Variants in PIEZO2 observed in about 807,000 individuals in gnomAD.
PIEZO2 encodes piezo type mechanosensitive ion channel component 2, also known as piezo-type mechanosensitive ion channel component 2.
In PIEZO2, 172 loss-of-function variants were observed where a neutral mutation model predicts 337.3. The ratio of observed to expected loss-of-function variants is 0.51; its 90% CI spans 0.45 to 0.58. The LOEUF is 0.58. Ranked by LOEUF, PIEZO2 falls within the 20% of genes least tolerant of loss-of-function variation. The probability of loss-of-function intolerance (pLI) is 0.00; values close to 1 mark genes in which losing one functional copy is unlikely to be tolerated. For missense variants in PIEZO2, 3,028 were observed against 3,391.3 expected, an observed-to-expected ratio of 0.89 and a Z score of 2.66; for synonymous variants, 1,251 against 1,228.5, an observed-to-expected ratio of 1.02 and a Z score of -0.38.
In PIEZO2 at chr18:10,899,411, T is replaced by A. The variant is rs1322434849; in HGVS notation, c.329+11775A>T. ...GGATGGAAAACTCAAACACTTCCTA[T>A]GAAATCCACCTAATAAAAGCTGTCA... On this transcript the variant is annotated intron_variant, in intron 4 of 55. Coordinates refer to ENST00000674853, the MANE Select transcript of PIEZO2 (RefSeq NM_001378183.1). This position sits in a 1 kb window ranked among gnomAD's most constrained non-coding sequence, Gnocchi z 4.6. Among the ~76,000 whole-genome samples, 2 of 152,226 alleles carry A rather than the reference T, an allele frequency of 1.3e-5. No homozygotes were observed. The highest frequency in any genetic ancestry group is 6.5e-5 in the Admixed American group (1 of 15,284).
chr18:10,762,569 G>A lies in PIEZO2; in HGVS notation c.3180C>T (p.Tyr1060=). 2 of 1,537,446 alleles carry A rather than the reference G, an allele frequency of 1.3e-6. No individual in the cohort carries two copies. Among genetic ancestry groups the A allele is most frequent in the Non-Finnish European group, 8.7e-7 (1 of 1,146,916 alleles). ...ACTCTGTAGGATCGATAGGAGCGCT[G>A]TAGAGCAGAGACTTGTTCAACTCAT... ...PFNELNKSLL[Y]SAPIDPTEWV... is the part of the protein sequence containing the mutation. The change falls in exon 23 of 56, where the codon TAC becomes TAT. Residue 1060 remains tyrosine, a synonymous_variant. Transcript: ENST00000674853.
chr18:11,110,602 G>A lies in PIEZO2; in HGVS notation c.64+37923C>T, dbSNP rs960748951. Among the ~76,000 whole-genome samples the A allele has an allele frequency of 6.6e-6, 1 of 152,170 alleles. No individual in the cohort carries two copies. The highest frequency in any genetic ancestry group is 6.5e-5 in the Admixed American group (1 of 15,290). ...GGTTCCTTCAGAGGTGGACGGTGGTGGGCAGGGGAGCAGGTGGAGCCGGTG... is the reference window on the plus strand; with the variant it reads ...GGTTCCTTCAGAGGTGGACGGTGGTAGGCAGGGGAGCAGGTGGAGCCGGTG... On this transcript the variant is annotated intron_variant, in intron 1 of 55. Coordinates refer to ENST00000674853, the MANE Select transcript of PIEZO2 (RefSeq NM_001378183.1). This position sits in a 1 kb window ranked among gnomAD's most constrained non-coding sequence, Gnocchi z 4.2.
At chr18:10,891,404 T>A (rs2042751660) in intron 4 of PIEZO2, among the ~76,000 whole-genome samples, 1 of 152,176 alleles carries the variant, frequency 6.6e-6, no homozygotes, top group South Asian at 2.1e-4. Context: ...AAGGCAGTTG[T>A]GTAGGGAACA....
chr18:11,138,385 T>C (rs1331776196), intron 1 of PIEZO2, among the ~76,000 whole-genome samples: 1 of 152,202 alleles, frequency 6.6e-6, no homozygotes, highest in African/African-American at 2.4e-5. Flanking sequence ...AACCTCTGCC[T>C]CTGGGACTCA....
At chr18:10,938,126 T>C (rs556106007) in intron 3 of PIEZO2, among the ~76,000 whole-genome samples, 16 of 152,314 alleles carry the variant, frequency 1.1e-4, no homozygotes, top group African/African-American at 3.8e-4. Context: ...AAATGGGAAG[T>C]AAGGCATTGT....
Position 10,845,315 on chromosome 18 carries a change from G to A in PIEZO2, c.917+10038C>T, listed in dbSNP as rs183354314. ...TTAAATAATACTAATTTTTTCCAGA[G>A]ACAGGATTTATTTTTTTGTTTCAGT... On this transcript the variant is annotated intron_variant, in intron 7 of 55. Coordinates refer to ENST00000674853, the MANE Select transcript of PIEZO2 (RefSeq NM_001378183.1). 3.3e-5 allele frequency among the ~76,000 whole-genome samples: 5 copies of A among 151,986 alleles called. No homozygotes were observed. The East Asian group carries it at 9.7e-4, about 29-fold the overall frequency.
At position 10,993,569 on chromosome 18, in the gene PIEZO2, C is replaced by T. The variant is rs139784066; in HGVS notation, c.161-13909G>A. Among the ~76,000 whole-genome samples, 287 of 152,240 alleles carry T rather than the reference C, an allele frequency of 1.9e-3. No individual in the cohort carries two copies. Among genetic ancestry groups the T allele is most frequent in the African/African-American group, 6.7e-3 (278 of 41,526 alleles). On this transcript the variant is annotated intron_variant, in intron 2 of 55. Transcript: ENST00000674853. This position sits in a 1 kb window ranked among gnomAD's most constrained non-coding sequence, Gnocchi z 5.0. ...TGAGGCGGAGTCTCGCTCTGTGGCC[C>T]AGGCTGGAGTACAGTGGCACGATCT...
rs1023772322 is a variant in PIEZO2, at chr18:10,675,214, A to G, written c.8156T>C (p.Leu2719Ser). The change falls in exon 54 of 56, where the codon TTA becomes TCA. Residue 2719 changes from leucine (L) to serine (S), a missense_variant. Around this residue, in one of 5 missense-constraint regions of PIEZO2, gnomAD observed 332 missense variants for 363.8 expected, o/e 0.91. Coordinates refer to ENST00000674853, the MANE Select transcript of PIEZO2 (RefSeq NM_001378183.1). ...CAAATTTTTCTCATTCTTACCAGATAAAAGTTGCTTTATAGGTTTTGAGTT... is the reference window on the plus strand; with the variant it reads ...CAAATTTTTCTCATTCTTACCAGATGAAAGTTGCTTTATAGGTTTTGAGTT... ...DSNSKPIKQL[L>S]SENNFMDITI... 3.1e-5 allele frequency: 47 copies of G among 1,537,574 alleles called. No individual in the cohort carries two copies. Among genetic ancestry groups the G allele is most frequent in the Non-Finnish European group, 3.9e-5 (44 of 1,132,138 alleles).
At position 10,800,466 on chromosome 18, in the gene PIEZO2, C is replaced by A; in HGVS notation, c.1249G>T (p.Val417Leu). 6.5e-7 allele frequency: 1 copy of A among 1,530,136 alleles called. No individual in the cohort carries two copies. The highest frequency in any genetic ancestry group is 1.2e-5 in the South Asian group (1 of 82,788). 94.8% of individuals were successfully genotyped at this position (1,530,136 alleles called of 1,614,324 possible). A position where few individuals can be genotyped will look rare whatever the true frequency, so the allele number is the denominator to read the frequency against. Reference protein sequence around the residue: ...DDYKPSDGLLVTVNGNPVDYH... With the variant: ...DDYKPSDGLLLTVNGNPVDYH... ...TCCACGGGGTTGCCGTTCACAGTCA[C>A]CAGCAGGCCCTGCCGGGAGTGCAGA... The change falls in exon 11 of 56, where the codon GTG becomes TTG. Residue 417 changes from valine (V) to leucine (L), a missense_variant. Around this residue, in one of 5 missense-constraint regions of PIEZO2, gnomAD observed 542 missense variants for 605.6 expected, o/e 0.89. Transcript: ENST00000674853.
intron 2 of PIEZO2, among the ~76,000 whole-genome samples, chr18:11,056,202 A>C (rs1245104647): frequency 6.6e-6 from 1 of 152,176 alleles, no homozygotes; most frequent in Non-Finnish European, 1.5e-5. Flanking sequence ...CTGAGTGGTC[A>C]TTGGGTCCAG....
Position 11,028,329 on chromosome 18 carries a change from C to T in PIEZO2, c.160+37798G>A, listed in dbSNP as rs146520400. ...ATGCTGGAGTGCAATGGCGTGATCTCGGCTCATTGCAACCTCTGCCTCCCA... is the reference window on the plus strand; with the variant it reads ...ATGCTGGAGTGCAATGGCGTGATCTTGGCTCATTGCAACCTCTGCCTCCCA... On this transcript the variant is annotated intron_variant, in intron 2 of 55. Coordinates refer to ENST00000674853, the MANE Select transcript of PIEZO2 (RefSeq NM_001378183.1). This position sits in a 1 kb window ranked among gnomAD's most constrained non-coding sequence, Gnocchi z 4.8. Among the ~76,000 whole-genome samples, 615 of 151,976 alleles carry T rather than the reference C, an allele frequency of 4.0e-3. 2 individuals are homozygous for T. The highest frequency in any genetic ancestry group is 0.014 in the African/African-American group (581 of 41,408).
At chr18:10,997,265 AAGAAAGAG>A (rs1430753266) in intron 2 of PIEZO2, among the ~76,000 whole-genome samples, 1 of 152,102 alleles carries the variant, frequency 6.6e-6, no homozygotes, top group Non-Finnish European at 1.5e-5. Flanking sequence ...AAAAGAAAGA[AAGAAAGAG>A]ACAATGAAAA....
In PIEZO2 at chr18:10,929,433, T is replaced by A. The variant is rs1279304650; in HGVS notation, c.287-18205A>T. Among the ~76,000 whole-genome samples the A allele has an allele frequency of 2.0e-5, 3 of 152,226 alleles. No individual in the cohort carries two copies. The highest frequency in any genetic ancestry group is 2.9e-5 in the Non-Finnish European group (2 of 68,040). On this transcript the variant is annotated intron_variant, in intron 3 of 55. Coordinates refer to ENST00000674853, the MANE Select transcript of PIEZO2 (RefSeq NM_001378183.1). The surrounding 1 kb of genome is among the most constrained non-coding windows in gnomAD (Gnocchi z 5.6). ...TCAGATTCAGACATGTTTTCCCATA[T>A]CTTTAAGTAAGATTGGAATGTTTGA...
At position 11,033,655 on chromosome 18, in the gene PIEZO2, A is replaced by G. The variant is rs2036818762; in HGVS notation, c.160+32472T>C. On this transcript the variant is annotated intron_variant, in intron 2 of 55. Coordinates refer to ENST00000674853, the MANE Select transcript of PIEZO2 (RefSeq NM_001378183.1). This position sits in a 1 kb window ranked among gnomAD's most constrained non-coding sequence, Gnocchi z 4.2. ...AAACATAAACCATATAACGAGTCAG[A>G]CATATATAGCACATGCCAGAAATGA... Among the ~76,000 whole-genome samples the G allele has an allele frequency of 6.6e-6, 1 of 152,202 alleles. No homozygotes were observed. The highest frequency in any genetic ancestry group is 6.5e-5 in the Admixed American group (1 of 15,290).
intron 2 of PIEZO2, among the ~76,000 whole-genome samples, chr18:10,987,550 A>C (rs2034924638): frequency 6.6e-6 from 1 of 151,940 alleles, no homozygotes; most frequent in Admixed American, 6.6e-5. Context: ...ACCATATACA[A>C]AAATCAACTC....
chr18:10,693,248 A>G (rs2034928985), intron 47 of PIEZO2, among the ~76,000 whole-genome samples: 1 of 152,176 alleles, frequency 6.6e-6, no homozygotes, highest in Non-Finnish European at 1.5e-5. Context: ...GCAAGCTTCC[A>G]AAGTTCATTT....
At chr18:11,091,611 C>T (rs1361358426) in intron 1 of PIEZO2, among the ~76,000 whole-genome samples, 1 of 152,026 alleles carries the variant, frequency 6.6e-6, no homozygotes, top group Non-Finnish European at 1.5e-5. Context: ...ATCTCATCTA[C>T]AAAATAGGGA....
chr18:10,975,738 T>G (rs188124052), intron 3 of PIEZO2, among the ~76,000 whole-genome samples: 1 of 152,174 alleles, frequency 6.6e-6, no homozygotes. Context: ...GGTGAGGGTA[T>G]GCATTTTAAA....
In PIEZO2 at chr18:10,878,494, C is replaced by A. The variant is rs987266717; in HGVS notation, c.330-7079G>T. The stretch of plus-strand genomic sequence containing the variant: ...TTCAGTTATTTGCACATGCAGATTT[C>A]ATTGTCAAAATTGGAAGCTATAACT... On this transcript the variant is annotated intron_variant, in intron 4 of 55. Coordinates refer to ENST00000674853, the MANE Select transcript of PIEZO2 (RefSeq NM_001378183.1). The surrounding 1 kb of genome is among the most constrained non-coding windows in gnomAD (Gnocchi z 4.3). Among the ~76,000 whole-genome samples the A allele has an allele frequency of 1.3e-5, 2 of 152,156 alleles. No individual in the cohort carries two copies. The highest frequency in any genetic ancestry group is 1.3e-4 in the Admixed American group (2 of 15,278).
Sources: allele counts gnomAD v4.1 joint callset (sites outside exome capture counted in the v4.1 genomes callset), GRCh38; gene constraint gnomAD v4.1.1; regional missense constraint gnomAD v4.1.1; non-coding constraint Gnocchi (gnomAD v3.1); transcripts MANE v1.5; gene names NCBI Gene and HGNC (gene_info 2026-07-23, HGNC 2026-07-21).